The following PINX1 variants were observed in gnomAD, a reference collection of about 807,000 sequenced individuals.
PINX1 encodes PIN2/TERF1-interacting telomerase inhibitor 1.
In PINX1, 34 loss-of-function variants were observed where a neutral mutation model predicts 25.4. That is an observed-to-expected ratio of 1.34 (90% CI 1.02 to 1.78). PINX1 has a LOEUF of 1.78. Ranked by LOEUF, PINX1 falls within the 40% of genes most tolerant of loss-of-function variation. PINX1 has a pLI of 0.00. For synonymous variants in PINX1, 197 were observed against 147.7 expected (o/e 1.33, Z -2.42); for missense variants, 592 against 404.9 (o/e 1.46, Z -3.97).
chr8:10,782,390 C>A (rs1420974235), intron 6 of PINX1, among the ~76,000 whole-genome samples: 4 of 151,256 alleles, frequency 2.6e-5, no homozygotes, highest in African/African-American at 9.8e-5. Context: ...ATATGTAACT[C>A]ATAACATGTA....
intron 6 of PINX1, among the ~76,000 whole-genome samples, chr8:10,769,798 C>T (rs1801168705): frequency 6.6e-6 from 1 of 152,190 alleles, no homozygotes; most frequent in Admixed American, 6.5e-5. Flanking sequence ...GCTCCCTGTA[C>T]CACAGGACCC....
intron 5 of PINX1, among the ~76,000 whole-genome samples, chr8:10,824,764 C>G (rs564332907): frequency 6.6e-6 from 1 of 152,172 alleles, no homozygotes; most frequent in African/African-American, 2.4e-5. Flanking sequence ...CCACATCATC[C>G]GAAAGTTACA....
At chr8:10,786,095 T>A (rs1414038603) in intron 6 of PINX1, among the ~76,000 whole-genome samples, 1 of 152,214 alleles carries the variant, frequency 6.6e-6, no homozygotes, top group Non-Finnish European at 1.5e-5. Flanking sequence ...TGCCTTTGGT[T>A]TATAATCCTT....
chr8:10,784,196 G>A (rs1801677953), intron 6 of PINX1, among the ~76,000 whole-genome samples: 1 of 152,150 alleles, frequency 6.6e-6, no homozygotes, highest in Non-Finnish European at 1.5e-5. Flanking sequence ...GAGGACACAG[G>A]GGATGAGAGT....
chr8:10,779,838 G>T (rs1242424882), intron 6 of PINX1, among the ~76,000 whole-genome samples: 1 of 152,170 alleles, frequency 6.6e-6, no homozygotes, highest in Non-Finnish European at 1.5e-5. Context: ...AATCTAGGAA[G>T]AAATGAACAA....
At chr8:10,827,574 TAC>T (rs1383497495) in intron 4 of PINX1, among the ~76,000 whole-genome samples, 2 of 151,946 alleles carry the variant, frequency 1.3e-5, no homozygotes, top group Non-Finnish European at 2.9e-5. Context: ...TAAATTTTCC[TAC>T]AGTTTTAAGA....
intron 5 of PINX1, among the ~76,000 whole-genome samples, chr8:10,820,521 G>A (rs1797836092): frequency 6.6e-6 from 1 of 152,146 alleles, no homozygotes; most frequent in Admixed American, 6.5e-5. Context: ...AAACAACCTA[G>A]AGCATACTGA....
intron 6 of PINX1, among the ~76,000 whole-genome samples, chr8:10,796,399 A>G (rs953319163): frequency 1.3e-5 from 2 of 152,034 alleles, no homozygotes; most frequent in Non-Finnish European, 2.9e-5. Context: ...TTCCATTTCT[A>G]CCTCTCGTAT....
chr8:10,828,135 C>T (rs1198708760), intron 4 of PINX1, among the ~76,000 whole-genome samples: 1 of 152,226 alleles, frequency 6.6e-6, no homozygotes. Flanking sequence ...GCAGATGTTC[C>T]GCACTTGAGG....
chr8:10,820,540 A>C (rs957911310), intron 5 of PINX1, among the ~76,000 whole-genome samples: 2 of 152,226 alleles, frequency 1.3e-5, no homozygotes, highest in Non-Finnish European at 1.5e-5. Context: ...GACTGCAAGG[A>C]AAGCTAAATT....
At chr8:10,806,170 T>C (rs373013532) in intron 6 of PINX1, among the ~76,000 whole-genome samples, 6 of 132,660 alleles carry the variant, frequency 4.5e-5, no homozygotes, top group African/African-American at 1.5e-4. Flanking sequence ...GCCACACTAG[T>C]GCTGAGGGGG....
chr8:10,772,402 C>A (rs1224345756), intron 6 of PINX1, among the ~76,000 whole-genome samples: 1 of 152,226 alleles, frequency 6.6e-6, no homozygotes, highest in African/African-American at 2.4e-5. Flanking sequence ...CTATGGCGGG[C>A]GGCCCTGCTC....
intron 6 of PINX1, among the ~76,000 whole-genome samples, chr8:10,819,596 T>C (rs1797803150): frequency 6.6e-6 from 1 of 152,252 alleles, no homozygotes; most frequent in Non-Finnish European, 1.5e-5. Context: ...TACAGCCCAA[T>C]TTAATAATTA....
chr8:10,824,284 G>A (rs933501721), intron 5 of PINX1, among the ~76,000 whole-genome samples: 1 of 152,168 alleles, frequency 6.6e-6, no homozygotes, highest in African/African-American at 2.4e-5. Flanking sequence ...CCACCCTAGA[G>A]GAAACTTTAA....
intron 6 of PINX1, among the ~76,000 whole-genome samples, chr8:10,798,826 G>A (rs1802171854): frequency 6.6e-6 from 1 of 152,202 alleles, no homozygotes; most frequent in South Asian, 2.1e-4. Flanking sequence ...TCGAGCCAGA[G>A]CCTACAATAT....
chr8:10,827,602 G>A (rs1390140585), intron 4 of PINX1, among the ~76,000 whole-genome samples: 3 of 152,018 alleles, frequency 2.0e-5, no homozygotes, highest in African/African-American at 7.2e-5. Flanking sequence ...CAGATATGAG[G>A]TTAGAGAAAC....
chr8:10,766,253 G>A (rs560176867), intron 6 of PINX1, among the ~76,000 whole-genome samples: 3 of 152,354 alleles, frequency 2.0e-5, no homozygotes, highest in African/African-American at 7.2e-5. Flanking sequence ...CTAGAAACAA[G>A]TGTTGTGGTG....
chr8:10,827,518 T>A (rs1798089331), intron 4 of PINX1, among the ~76,000 whole-genome samples: 1 of 152,008 alleles, frequency 6.6e-6, no homozygotes, highest in Non-Finnish European at 1.5e-5. Flanking sequence ...CTTGTCAAGT[T>A]CAGACAGAAG....
intron 6 of PINX1, among the ~76,000 whole-genome samples, chr8:10,769,142 G>C (rs371602116): frequency 1.6e-4 from 25 of 152,254 alleles, no homozygotes; most frequent in African/African-American, 6.0e-4. Context: ...AAGAAATATG[G>C]TTAATCATCT....
Sources: allele counts gnomAD v4.1 joint callset (sites outside exome capture counted in the v4.1 genomes callset), GRCh38; gene constraint gnomAD v4.1.1; transcripts MANE v1.5; gene names NCBI Gene and HGNC (gene_info 2026-07-23, HGNC 2026-07-21).